Variants in UQCC1 observed in about 807,000 individuals in gnomAD.
UQCC1 encodes bFGF-repressed Zic-binding protein.
UQCC1 carries 38 observed loss-of-function variants against 48.0 expected under a neutral mutation model. The observed-to-expected ratio is 0.79, with a 90% CI of 0.61 to 1.04. The LOEUF is 1.04. Among genes scored for constraint, UQCC1 ranks in the 50% least tolerant of loss-of-function variants. UQCC1 has a pLI of 0.00. For missense variants in UQCC1, 368 were observed against 381.8 expected (o/e 0.96, Z 0.30); for synonymous variants, 111 against 129.2 (o/e 0.86, Z 0.95).
chr20:35,359,325 A>G (rs1428492866), intron 6 of UQCC1, among the ~76,000 whole-genome samples: 1 of 152,212 alleles, frequency 6.6e-6, no homozygotes, highest in Non-Finnish European at 1.5e-5. Context: ...AAGAAGCTGG[A>G]ATGAAGCCTG....
chr20:35,317,189 C>T lies in UQCC1; in HGVS notation c.574-2424G>A, dbSNP rs375002820. On this transcript the variant is annotated intron_variant, in intron 7 of 9. Transcript: ENST00000374385. ...CTGACCTCAGGCGATCAGCCCGCCT[C>T]GACCTCCTAAAGTGCTGGGATTACA... is the stretch of plus-strand genomic sequence containing the variant. Among the ~76,000 whole-genome samples the T allele has an allele frequency of 1.3e-4, 20 of 152,224 alleles. 2 individuals are homozygous for T. The highest frequency in any genetic ancestry group is 9.7e-4 in the East Asian group (5 of 5,168).
chr20:35,354,277 C>A (rs1231556017), intron 6 of UQCC1, among the ~76,000 whole-genome samples: 1 of 152,140 alleles, frequency 6.6e-6, no homozygotes, highest in Non-Finnish European at 1.5e-5. Flanking sequence ...AAAGATTATA[C>A]CTGCCTTTTG....
intron 7 of UQCC1, among the ~76,000 whole-genome samples, chr20:35,328,012 A>G (rs76665194): frequency 2.5e-3 from 118 of 46,626 alleles, no homozygotes; most frequent in South Asian, 0.021. Context: ...CAAAAAAAGG[A>G]AAAAAAAAAA....
At chr20:35,307,857 G>A (rs567805067) in intron 8 of UQCC1, among the ~76,000 whole-genome samples, 1 of 152,322 alleles carries the variant, frequency 6.6e-6, no homozygotes, top group Admixed American at 6.5e-5. Context: ...CAAAACCGTG[G>A]GGTCTGGGAG....
At chr20:35,321,933 C>G (rs781021374) in intron 7 of UQCC1, among the ~76,000 whole-genome samples, 11 of 152,152 alleles carry the variant, frequency 7.2e-5, no homozygotes, top group Non-Finnish European at 1.2e-4. Flanking sequence ...CTCAGAAATT[C>G]TAGTCATTTG....
intron 2 of UQCC1, chr20:35,386,154 C>T (rs1479247042): frequency 3.0e-6 from 1 of 334,534 alleles, no homozygotes; most frequent in Non-Finnish European, 5.8e-6. Flanking sequence ...AAAGAACACA[C>T]AAGAAACCAA....
At chr20:35,321,592 C>A (rs886619306) in intron 7 of UQCC1, among the ~76,000 whole-genome samples, 1 of 152,050 alleles carries the variant, frequency 6.6e-6, no homozygotes, top group African/African-American at 2.4e-5. Context: ...AGGTGGCTTA[C>A]GTGTATAATC....
Position 35,314,777 on chromosome 20 carries a change from A to G in UQCC1, c.574-12T>C. 8 of 1,576,962 alleles carry G rather than the reference A, an allele frequency of 5.1e-6. No homozygotes were observed. Among genetic ancestry groups the G allele is most frequent in the Non-Finnish European group, 6.9e-6 (8 of 1,153,182 alleles). On this transcript the variant is annotated splice_polypyrimidine_tract_variant and intron_variant, in intron 7 of 9. Coordinates refer to ENST00000374385, the MANE Select transcript of UQCC1 (RefSeq NM_018244.5). ...ATATAGGGATTAACCTACAGAAACA[A>G]ATGGCAAAAACAAAAGTTTGAAAGA...
chr20:35,394,183 C>G lies in UQCC1; in HGVS notation c.38G>C (p.Ser13Thr). The G allele has an allele frequency of 6.2e-7, 1 of 1,613,886 alleles. No individual in the cohort carries two copies. The highest frequency in any genetic ancestry group is 8.5e-7 in the Non-Finnish European group (1 of 1,179,864). The change falls in exon 2 of 10, where the codon AGC becomes ACC. Residue 13 changes from serine to threonine, a missense_variant. Transcript: ENST00000374385. ...GCATACTGGAACCCACTGAGAAATG[C>G]TAGTCTGGTTCCTCTAAAGAAAGAA... is the stretch of plus-strand genomic sequence containing the variant. ...LLVRVLRNQT[S>T]ISQWVPVCSR...
intron 1 of UQCC1, among the ~76,000 whole-genome samples, chr20:35,400,762 T>A (rs1337394488): frequency 6.6e-6 from 1 of 152,210 alleles, no homozygotes; most frequent in Non-Finnish European, 1.5e-5. Context: ...CCCAAAGTGC[T>A]GGGATTACAG....
In UQCC1 at chr20:35,358,356, C is replaced by CAA. The variant is rs1198006186; in HGVS notation, c.464+8199_464+8200dup. 4.1e-3 allele frequency among the ~76,000 whole-genome samples: 203 copies of CAA among 49,380 alleles called. 4 individuals are homozygous for CAA. The highest frequency in any genetic ancestry group is 7.8e-3 in the African/African-American group (77 of 9,882). 32.4% of individuals were successfully genotyped at this position (49,380 alleles called of 152,430 possible). Reference sequence around the variant, plus strand: ...GCATCAACAGTGAGAGACTCTGTCTCAAAAAAAAAAAAAAAAAAAAAAAAG... The same window carrying CAA: ...GCATCAACAGTGAGAGACTCTGTCTCAAAAAAAAAAAAAAAAAAAAAAAAAAG... On this transcript the variant is annotated intron_variant, in intron 6 of 9. Transcript: ENST00000374385.
rs1201095602 is a variant in UQCC1, at chr20:35,314,736, C to G, written c.603G>C (p.Met201Ile). Residue 201 changes from methionine to isoleucine, a missense_variant, in exon 8 of 10, where the codon ATG (methionine) becomes ATC (isoleucine). Transcript: ENST00000374385. ...CATAGAAATGATTTGTCATGAGGAT[C>G]ATGTTCTTCTTCAGGATATAGGGAT... ...GVNPYILKKN[M>I]ILMTNHFYAA... The G allele has an allele frequency of 1.2e-6, 2 of 1,607,880 alleles. No individual in the cohort carries two copies. Among genetic ancestry groups the G allele is most frequent in the Non-Finnish European group, 1.7e-6 (2 of 1,175,378 alleles).
chr20:35,382,446 G>C (rs1320308599), intron 3 of UQCC1, among the ~76,000 whole-genome samples: 1 of 150,408 alleles, frequency 6.6e-6, no homozygotes, highest in Non-Finnish European at 1.5e-5. Context: ...TGGGCTGAGG[G>C]CATTTTTATT....
intron 1 of UQCC1, among the ~76,000 whole-genome samples, chr20:35,396,070 C>T (rs1030135039): frequency 1.4e-5 from 2 of 139,470 alleles, no homozygotes; most frequent in African/African-American, 2.6e-5. Flanking sequence ...TTGCAATTTC[C>T]ACCTCCTGGG....
At chr20:35,345,861 C>CATG (rs1555806837) in intron 7 of UQCC1, 2 of 152,128 alleles carry the variant, frequency 1.3e-5, no homozygotes, top group Non-Finnish European at 2.9e-5. Context: ...ATGACCCAGT[C>CATG]ATGGTTCTAC....
intron 6 of UQCC1, among the ~76,000 whole-genome samples, chr20:35,348,636 G>A (rs927710038): frequency 2.0e-5 from 3 of 151,748 alleles, no homozygotes; most frequent in African/African-American, 4.8e-5. Flanking sequence ...TGATCCACCC[G>A]CCTCAGCCTC....
intron 8 of UQCC1, among the ~76,000 whole-genome samples, chr20:35,312,485 T>C (rs927220259): frequency 7.2e-5 from 11 of 152,152 alleles, no homozygotes; most frequent in African/African-American, 2.7e-4. Context: ...GGCATTGCAC[T>C]ACCCAAAAAG....
intron 6 of UQCC1, among the ~76,000 whole-genome samples, chr20:35,348,565 T>C (rs2061456304): frequency 6.6e-6 from 1 of 152,144 alleles, no homozygotes; most frequent in Admixed American, 6.6e-5. Flanking sequence ...AATGTTTTTG[T>C]ATTTTTAATA....
intron 6 of UQCC1, among the ~76,000 whole-genome samples, chr20:35,364,278 A>C (rs1282947042): frequency 6.6e-6 from 1 of 152,052 alleles, no homozygotes; most frequent in African/African-American, 2.4e-5. Context: ...CCCATCACCA[A>C]ATCTGGATTT....
Sources: gnomAD v4.1 joint callset for allele counts (sites outside exome capture counted in the v4.1 genomes callset) on GRCh38, gnomAD v4.1.1 for gene constraint, MANE v1.5 for transcripts, NCBI Gene and HGNC (gene_info 2026-07-23, HGNC 2026-07-21) for gene names.